PCDH9: variants seen among roughly 807,000 people sequenced by gnomAD.
PCDH9 encodes protocadherin 9.
In PCDH9, 24 loss-of-function variants were observed where a neutral mutation model predicts 70.6. The observed-to-expected ratio is 0.34, with a 90% CI of 0.25 to 0.48. The LOEUF (loss-of-function observed/expected upper bound fraction) is 0.48, where lower values mean the gene tolerates loss of function less well. Among genes scored for constraint, PCDH9 ranks in the 20% least tolerant of loss-of-function variants. PCDH9 has a pLI of 0.99. For synonymous variants in PCDH9, 562 were observed against 558.5 expected, an observed-to-expected ratio of 1.01 and a Z score of -0.09; for missense variants, 1,281 against 1,503.6, an observed-to-expected ratio of 0.85 and a Z score of 2.45.
chr13:67,216,633 A>C (rs1252092103), intron 2 of PCDH9: 2 of 141,826 alleles, frequency 1.4e-5, no homozygotes, highest in Non-Finnish European at 3.1e-5. Context: ...TTCTAGCAAG[A>C]AAGGACACAT....
intron 2 of PCDH9, among the ~76,000 whole-genome samples, chr13:66,954,908 C>T (rs893092714): frequency 2.0e-4 from 31 of 152,166 alleles, no homozygotes; most frequent in African/African-American, 4.1e-4. Flanking sequence ...GGACTACAGG[C>T]GCCTGCCTCC....
intron 2 of PCDH9, among the ~76,000 whole-genome samples, chr13:67,024,326 A>G (rs2084736798): frequency 6.6e-6 from 1 of 152,172 alleles, no homozygotes; most frequent in African/African-American, 2.4e-5. Flanking sequence ...AACTACAGTA[A>G]TGCTCAATGG....
chr13:67,164,963 C>G (rs1350880902), intron 2 of PCDH9, among the ~76,000 whole-genome samples: 3 of 152,138 alleles, frequency 2.0e-5, no homozygotes, highest in Admixed American at 1.3e-4. Flanking sequence ...TGACTATATA[C>G]CTCCATGAAA....
intron 3 of PCDH9, among the ~76,000 whole-genome samples, chr13:66,833,419 CT>C (rs2080962081): frequency 2.0e-5 from 3 of 152,152 alleles, no homozygotes; most frequent in Non-Finnish European, 2.9e-5. Flanking sequence ...ATTTGATCCT[CT>C]TTCCACCCCA....
chr13:67,192,538 T>A (rs2088946215), intron 2 of PCDH9, among the ~76,000 whole-genome samples: 1 of 152,182 alleles, frequency 6.6e-6, no homozygotes, highest in African/African-American at 2.4e-5. Flanking sequence ...TAGTTGGATT[T>A]CAAATAACAA....
intron 4 of PCDH9, among the ~76,000 whole-genome samples, chr13:66,357,675 A>G (rs371579000): frequency 1.6e-4 from 25 of 152,144 alleles, no homozygotes; most frequent in African/African-American, 5.8e-4. Context: ...TCAGATGTCT[A>G]TTCTTACACT....
intron 4 of PCDH9, among the ~76,000 whole-genome samples, chr13:66,505,690 T>C (rs1251039228): frequency 6.6e-6 from 1 of 152,088 alleles, no homozygotes; most frequent in East Asian, 1.9e-4. Context: ...CTCATGAGAC[T>C]TACTCACTAT....
At chr13:66,363,094 G>A (rs1956498675) in intron 4 of PCDH9, among the ~76,000 whole-genome samples, 1 of 152,114 alleles carries the variant, frequency 6.6e-6, no homozygotes, top group Non-Finnish European at 1.5e-5. Context: ...CTTTAGAATC[G>A]CTTGAACCTA....
chr13:66,903,414 A>G, intron 3 of PCDH9, 90 bp downstream of exon 3: 1 of 505,590 alleles, frequency 2.0e-6, no homozygotes, highest in Non-Finnish European at 3.6e-6. Flanking sequence ...GGGCAAAGAC[A>G]ATAATACTAA....
At chr13:66,518,092 G>T (rs140761990) in intron 4 of PCDH9, among the ~76,000 whole-genome samples, 1,644 of 152,132 alleles carry the variant, frequency 0.011, 38 homozygotes, top group East Asian at 0.091. Flanking sequence ...TCCAACATCT[G>T]TTTGGCTTCT....
chr13:66,787,592 G>A (rs2080099955), intron 3 of PCDH9, among the ~76,000 whole-genome samples: 1 of 151,762 alleles, frequency 6.6e-6, no homozygotes, highest in Non-Finnish European at 1.5e-5. Flanking sequence ...CTCTAGGCTG[G>A]GTGACAGAGC....
At chr13:66,513,970 A>G (rs1412013672) in intron 4 of PCDH9, among the ~76,000 whole-genome samples, 2 of 152,124 alleles carry the variant, frequency 1.3e-5, no homozygotes, top group African/African-American at 2.4e-5. Flanking sequence ...GAGATTTGAC[A>G]TGGCATTTTT....
chr13:66,787,932 A>T (rs1387624442), intron 3 of PCDH9, among the ~76,000 whole-genome samples: 1 of 152,208 alleles, frequency 6.6e-6, no homozygotes, highest in Non-Finnish European at 1.5e-5. Flanking sequence ...AAGGTATAGA[A>T]GTTGATAATA....
At chr13:66,490,719 T>A (rs1393008730) in intron 4 of PCDH9, among the ~76,000 whole-genome samples, 7 of 152,286 alleles carry the variant, frequency 4.6e-5, no homozygotes, top group Non-Finnish European at 7.4e-5. Flanking sequence ...CTATTTTTTT[T>A]AATAGACTAA....
intron 2 of PCDH9, chr13:67,208,865 G>C (rs1031476533): frequency 6.6e-6 from 1 of 152,168 alleles, no homozygotes; most frequent in African/African-American, 2.4e-5. Flanking sequence ...TGCTGCCACT[G>C]TTTGTGATGT....
At chr13:66,786,112 T>A (rs572794852) in intron 3 of PCDH9, among the ~76,000 whole-genome samples, 1 of 152,194 alleles carries the variant, frequency 6.6e-6, no homozygotes, top group East Asian at 1.9e-4. Flanking sequence ...AATGTTCCCC[T>A]GGTTACATGG....
intron 4 of PCDH9, among the ~76,000 whole-genome samples, chr13:66,406,899 A>G (rs990781381): frequency 6.6e-6 from 1 of 152,198 alleles, no homozygotes; most frequent in African/African-American, 2.4e-5. Context: ...TGTTTCAAAT[A>G]CATATAAGAG....
intron 4 of PCDH9, among the ~76,000 whole-genome samples, chr13:66,603,489 T>C (rs1181474595): frequency 6.6e-6 from 1 of 152,008 alleles, no homozygotes; most frequent in Admixed American, 6.6e-5. Context: ...AATTGTTCAA[T>C]GGATTTAATG....
At chr13:66,662,742 T>C (rs182935049) in intron 3 of PCDH9, among the ~76,000 whole-genome samples, 157 of 152,270 alleles carry the variant, frequency 1.0e-3, no homozygotes, top group Non-Finnish European at 1.8e-3. Flanking sequence ...TTATTCATAG[T>C]TAATAACTCC....
Sources: gnomAD v4.1 joint callset for allele counts (sites outside exome capture counted in the v4.1 genomes callset) on GRCh38, gnomAD v4.1.1 for gene constraint, MANE v1.5 for transcripts, NCBI Gene and HGNC (gene_info 2026-07-23, HGNC 2026-07-21) for gene names.